The following KDM6A variants were observed in gnomAD, a reference collection of about 807,000 sequenced individuals.
KDM6A encodes lysine-specific demethylase 6A.
KDM6A carries 11 observed loss-of-function variants against 117.6 expected under a neutral mutation model. The observed-to-expected ratio is 0.09, with a 90% CI of 0.06 to 0.15. The LOEUF (loss-of-function observed/expected upper bound fraction) is 0.15, where lower values mean the gene tolerates loss of function less well. KDM6A is among the 10% of genes least tolerant of loss of function. KDM6A has a pLI of 1.00. For missense variants in KDM6A, 799 were observed against 1,077.3 expected (o/e 0.74, Z 3.62); for synonymous variants, 384 against 396.1 (o/e 0.97, Z 0.36).
At chrX:45,055,660 C>T (rs930259048) in intron 10 of KDM6A, among the ~76,000 whole-genome samples, 1 of 111,645 alleles carries the variant, frequency 9.0e-6, no homozygotes, top group African/African-American at 3.3e-5. Flanking sequence ...GCTTTTGGAG[C>T]TAGCACTATT....
At chrX:45,049,036 G>T (rs189632190) in intron 8 of KDM6A, among the ~76,000 whole-genome samples, 75 of 111,290 alleles carry the variant, frequency 6.7e-4, no homozygotes, top group African/African-American at 2.2e-3. Context: ...ATTACCTGTG[G>T]AAAGGTTTCC....
At chrX:45,055,905 T>G (rs1231243627) in intron 10 of KDM6A, among the ~76,000 whole-genome samples, 1 of 111,847 alleles carries the variant, frequency 8.9e-6, no homozygotes, top group East Asian at 2.8e-4. Context: ...TCTAGTTACG[T>G]AAAATTATAA....
At chrX:45,062,878 C>G in intron 16 of KDM6A, 130 bp downstream of exon 16, 1 of 475,259 alleles carries the variant, frequency 2.1e-6, no homozygotes, top group South Asian at 3.1e-5. Flanking sequence ...TTAGTAATCT[C>G]TGTATTTTAA....
At chrX:45,041,223 G>C (rs2043167593) in intron 8 of KDM6A, among the ~76,000 whole-genome samples, 1 of 79,265 alleles carries the variant, frequency 1.3e-5, no homozygotes, top group Admixed American at 1.2e-4. Context: ...CGGGCAGAGG[G>C]GCTCCTCACT....
chrX:44,952,692 G>C (rs950912225), intron 2 of KDM6A, among the ~76,000 whole-genome samples: 15 of 112,005 alleles, frequency 1.3e-4, no homozygotes, highest in Non-Finnish European at 2.8e-4. Context: ...TTAGATATGG[G>C]TGACGATTAA....
intron 3 of KDM6A, among the ~76,000 whole-genome samples, chrX:44,966,892 CAG>C (rs2039050293): frequency 1.2e-5 from 1 of 83,408 alleles, no homozygotes; most frequent in Admixed American, 1.4e-4. Context: ...TTTTTTGAGA[CAG>C]AGTCTCGCTC....
chrX:45,091,081 TAG>T (rs2045874545), intron 27 of KDM6A, among the ~76,000 whole-genome samples: 1 of 111,116 alleles, frequency 9.0e-6, no homozygotes, highest in Non-Finnish European at 1.9e-5. Flanking sequence ...TATAAACCAG[TAG>T]AGTCACAGAC....
intron 10 of KDM6A, among the ~76,000 whole-genome samples, chrX:45,057,387 A>G (rs1268256233): frequency 9.0e-6 from 1 of 111,473 alleles, no homozygotes; most frequent in Non-Finnish European, 1.9e-5. Flanking sequence ...CACCCTGTGA[A>G]CATCTAATCA....
At chrX:45,053,747 G>T (rs1383833951) in intron 9 of KDM6A, 82 bp from the exon 10 acceptor site, 28 of 779,999 alleles carry the variant, frequency 3.6e-5, no homozygotes, top group Middle Eastern at 3.5e-4. Context: ...GTACTTTTTT[G>T]GTTTGTTTTC....
intron 2 of KDM6A, among the ~76,000 whole-genome samples, chrX:44,902,801 AT>A (rs1291028010): frequency 1.2e-4 from 14 of 112,058 alleles, no homozygotes; most frequent in Non-Finnish European, 2.1e-4. Flanking sequence ...AGTTCTGGGG[AT>A]TGGGAAGTCC....
At chrX:44,887,442 G>A (rs769467790) in intron 2 of KDM6A, among the ~76,000 whole-genome samples, 15 of 111,440 alleles carry the variant, frequency 1.3e-4, no homozygotes, top group African/African-American at 4.9e-4. Context: ...GGGTAGAGGT[G>A]TAAATGATGT....
intron 8 of KDM6A, among the ~76,000 whole-genome samples, chrX:45,044,392 G>A (rs953143894): frequency 1.8e-5 from 2 of 111,408 alleles, no homozygotes; most frequent in Non-Finnish European, 3.8e-5. Flanking sequence ...TCAAGATAGA[G>A]GATTTCTCCC....
At chrX:44,914,202 T>C (rs1259789985) in intron 2 of KDM6A, among the ~76,000 whole-genome samples, 1 of 112,092 alleles carries the variant, frequency 8.9e-6, no homozygotes, top group Non-Finnish European at 1.9e-5. Context: ...ACACTAGTTA[T>C]GTTTTGGGGG....
intron 2 of KDM6A, among the ~76,000 whole-genome samples, chrX:44,926,962 T>C (rs2036338239): frequency 9.0e-6 from 1 of 111,517 alleles, no homozygotes; most frequent in Non-Finnish European, 1.9e-5. Flanking sequence ...AGAGAATAAA[T>C]AGTTACCTTG....
chrX:44,962,190 G>C (rs2038706058), intron 3 of KDM6A, among the ~76,000 whole-genome samples: 1 of 111,930 alleles, frequency 8.9e-6, no homozygotes, highest in South Asian at 3.7e-4. Context: ...CTAAAGTGAA[G>C]GATTGTTAGT....
At chrX:45,087,920 T>G (rs1465566314) in intron 25 of KDM6A, among the ~76,000 whole-genome samples, 2 of 111,949 alleles carry the variant, frequency 1.8e-5, no homozygotes, top group Admixed American at 1.9e-4. Context: ...ACATAAAGAT[T>G]GTTGCTTTTG....
intron 18 of KDM6A, among the ~76,000 whole-genome samples, chrX:45,071,847 G>A (rs1013591088): frequency 9.1e-6 from 1 of 109,907 alleles, no homozygotes; most frequent in African/African-American, 3.3e-5. Context: ...TCAACTTACC[G>A]CACGCTCTGC....
rs753997722 is a variant in KDM6A at position 45,034,915 on chromosome X, C to A, written c.565-16C>A. Reference sequence around the variant, plus strand: ...TCTAAATTGACTGCATTAATTTTCTCACTCTCGTCTTGCAGCATTTTCAGT... The same window carrying A: ...TCTAAATTGACTGCATTAATTTTCTAACTCTCGTCTTGCAGCATTTTCAGT... On this transcript the variant is annotated splice_polypyrimidine_tract_variant and intron_variant, in intron 6 of 29. Coordinates refer to ENST00000611820, the MANE Select transcript of KDM6A (RefSeq NM_001291415.2). 6.7e-6 allele frequency: 8 copies of A among 1,193,039 alleles called. No individual in the cohort carries two copies. Among genetic ancestry groups the A allele is most frequent in the African/African-American group, 1.8e-5 (1 of 56,906 alleles).
intron 8 of KDM6A, among the ~76,000 whole-genome samples, chrX:45,050,622 G>C (rs1294977184): frequency 1.8e-5 from 2 of 111,645 alleles, no homozygotes; most frequent in Non-Finnish European, 3.8e-5. Flanking sequence ...TTATATACTG[G>C]TAATGATATG....
Sources: gnomAD v4.1 joint callset for allele counts (sites outside exome capture counted in the v4.1 genomes callset) on GRCh38, gnomAD v4.1.1 for gene constraint, MANE v1.5 for transcripts, NCBI Gene and HGNC (gene_info 2026-07-23, HGNC 2026-07-21) for gene names.